SPTBN4: variants seen among roughly 807,000 people sequenced by gnomAD.
The protein encoded by SPTBN4 is spectrin beta chain, non-erythrocytic 4.
SPTBN4 carries 96 observed loss-of-function variants against 277.8 expected under a neutral mutation model. That is an observed-to-expected ratio of 0.35 (90% CI 0.29 to 0.41). The LOEUF is 0.41. Ranked by LOEUF, SPTBN4 falls within the 10% of genes least tolerant of loss-of-function variation. SPTBN4 has a pLI of 1.00. For missense variants in SPTBN4, 3,006 were observed against 3,595.7 expected, an observed-to-expected ratio of 0.84 and a Z score of 4.19; for synonymous variants, 1,481 against 1,580.3, an observed-to-expected ratio of 0.94 and a Z score of 1.49.
intron 20 of SPTBN4, among the ~76,000 whole-genome samples, chr19:40,538,494 G>A (rs2145907275): frequency 6.6e-6 from 1 of 152,304 alleles, no homozygotes; most frequent in Admixed American, 6.5e-5. Flanking sequence ...TTTCCTCTGG[G>A]CTTCCCTTTG....
intron 35 of SPTBN4, among the ~76,000 whole-genome samples, chr19:40,574,097 A>T (rs564412970): frequency 8.0e-5 from 12 of 150,318 alleles, no homozygotes; most frequent in African/African-American, 2.4e-4. Flanking sequence ...GCGAGACTCC[A>T]TCTCAAAACA....
At chr19:40,569,865 G>A (rs1420794988) in intron 32 of SPTBN4, 139 bp downstream of exon 32, 1 of 796,090 alleles carries the variant, frequency 1.3e-6, no homozygotes, top group South Asian at 1.9e-5. Context: ...TGGACTCTCA[G>A]GGTCCCCAGA....
chr19:40,575,853 A>G lies in SPTBN4; in HGVS notation c.*284A>G. On this transcript the variant is annotated 3_prime_UTR_variant, in exon 36 of 36. Transcript: ENST00000598249. ...ATAACTGAGCTTGATGGGGGTGGGC[A>G]GGGGGCCAGTTGAGCCAAGCCCCCA... 7.1e-6 allele frequency: 2 copies of G among 281,318 alleles called. No individual in the cohort carries two copies. Among genetic ancestry groups the G allele is most frequent in the Non-Finnish European group, 1.4e-5 (2 of 147,798 alleles). The allele number at this position is 281,318 out of a possible 1,614,324, so 17.4% of individuals were successfully genotyped here. A position where few individuals can be genotyped will look rare whatever the true frequency, so the allele number is the denominator to read the frequency against.
rs1462405046 is a variant in SPTBN4 at position 40,556,232 on chromosome 19, G to A, written c.5233G>A (p.Glu1745Lys). Residue 1745 changes from glutamate (E) to lysine (K), a missense_variant, in exon 25 of 36, where the codon GAG becomes AAG. By Grantham distance (56) the Glu-to-Lys change is moderately conservative (BLOSUM62 1). Transcript: ENST00000598249. ...GAGCGAGCTTGAGCACTGGATTGCC[G>A]AGAAGGAGGTGGTGGCTGGCTCACC... is the stretch of plus-strand genomic sequence containing the variant. ...QVSELEHWIA[E>K]KEVVAGSPEL... 8 of 1,613,516 alleles carry A rather than the reference G, an allele frequency of 5.0e-6. No homozygotes were observed. The highest frequency in any genetic ancestry group is 1.7e-4 in the Middle Eastern group (1 of 5,834).
rs745567610 is a variant in SPTBN4, at chr19:40,570,515, CGGACCGGCCCCGGGCGCG to C, written c.7117_7134del (p.Arg2373_Pro2378del). The C allele has an allele frequency of 1.0e-5, 15 of 1,505,972 alleles. No individual in the cohort carries two copies. Among genetic ancestry groups the C allele is most frequent in the South Asian group, 1.2e-5 (1 of 81,014 alleles). The allele number at this position is 1,505,972 out of a possible 1,614,324, so 93.3% of individuals were successfully genotyped here. A position where few individuals can be genotyped will look rare whatever the true frequency, so the allele number is the denominator to read the frequency against. On this transcript the variant is annotated inframe_deletion, in exon 33 of 36. Transcript: ENST00000598249. ...GAGCTGCCCGAGCGGACACCTCGGCCGGACCGGCCCCGGGCGCGGGACCGGCCCAAGCCGCGACGGCGG... is the reference window on the plus strand; with the variant it reads ...GAGCTGCCCGAGCGGACACCTCGGCCGGACCGGCCCAAGCCGCGACGGCGG...
intron 16 of SPTBN4, among the ~76,000 whole-genome samples, chr19:40,521,189 T>C (rs1265759957): frequency 6.6e-6 from 1 of 152,064 alleles, no homozygotes; most frequent in African/African-American, 2.4e-5. Flanking sequence ...TCCCAAAGTG[T>C]TGGGATTACA....
chr19:40,476,027 C>G (rs187074272), intron 2 of SPTBN4, among the ~76,000 whole-genome samples: 267 of 151,902 alleles, frequency 1.8e-3, no homozygotes, highest in African/African-American at 5.9e-3. Flanking sequence ...GCCTGGGCAA[C>G]AGGTTGAGAC....
At chr19:40,473,048 T>TGA (rs904986544) in intron 2 of SPTBN4, among the ~76,000 whole-genome samples, 50 of 152,052 alleles carry the variant, frequency 3.3e-4, no homozygotes, top group African/African-American at 1.1e-3. Context: ...TTAAATTTAT[T>TGA]TATATATATA....
intron 22 of SPTBN4, among the ~76,000 whole-genome samples, chr19:40,551,037 G>A (rs962624902): frequency 3.3e-5 from 5 of 152,222 alleles, no homozygotes; most frequent in Non-Finnish European, 5.9e-5. Flanking sequence ...ATGGGGTTTC[G>A]GACTGCTCCT....
intron 26 of SPTBN4, among the ~76,000 whole-genome samples, chr19:40,557,764 G>A (rs532715288): frequency 5.3e-4 from 80 of 151,696 alleles, no homozygotes; most frequent in African/African-American, 1.8e-3. Flanking sequence ...CTAAAAATAC[G>A]AAAATTAGCC....
At chr19:40,509,122 A>C (rs1239148748) in intron 13 of SPTBN4, among the ~76,000 whole-genome samples, 1 of 113,062 alleles carries the variant, frequency 8.8e-6, no homozygotes, top group East Asian at 2.5e-4. Context: ...TGATCTCTCT[A>C]TGTTACCCAG....
At chr19:40,497,705 T>C in intron 7 of SPTBN4, 101 bp downstream of exon 7, 2 of 913,838 alleles carry the variant, frequency 2.2e-6, no homozygotes, top group Non-Finnish European at 3.5e-6. Context: ...CCATCCCAAA[T>C]CCTGAGGCCT....
At chr19:40,494,838 C>A in intron 5 of SPTBN4, 59 bp from the exon 6 acceptor site, 2 of 1,504,862 alleles carry the variant, frequency 1.3e-6, no homozygotes, top group Non-Finnish European at 1.8e-6. Context: ...GTCTTTTTCC[C>A]CTTTCTTCCC....
At chr19:40,493,558 G>A (rs190466562) in intron 5 of SPTBN4, among the ~76,000 whole-genome samples, 10 of 152,160 alleles carry the variant, frequency 6.6e-5, no homozygotes, top group South Asian at 4.2e-4. Flanking sequence ...TGTTGTCGTT[G>A]TTGTTTTTAA....
intron 18 of SPTBN4, 64 bp from the exon 19 acceptor site, chr19:40,532,561 A>T: frequency 6.4e-7 from 1 of 1,556,782 alleles, no homozygotes; most frequent in Admixed American, 1.8e-5. Context: ...GGACTTCCTG[A>T]AGGGATGGGG....
At chr19:40,533,662 C>T (rs1324112830) in intron 19 of SPTBN4, among the ~76,000 whole-genome samples, 1 of 151,948 alleles carries the variant, frequency 6.6e-6, no homozygotes, top group Admixed American at 6.6e-5. Context: ...CTGGCTCCCT[C>T]TATCTTTCTT....
intron 27 of SPTBN4, 137 bp from the exon 28 acceptor site, chr19:40,565,277 AAAAGAAAAG>A: frequency 9.6e-7 from 1 of 1,040,584 alleles, no homozygotes; most frequent in Non-Finnish European, 1.4e-6. Flanking sequence ...AAAAAAAAAG[AAAAGAAAAG>A]AAAAGAAAAG....
At position 40,503,990 on chromosome 19, in the gene SPTBN4, C is replaced by A. The variant is rs528010158; in HGVS notation, c.1523C>A (p.Ala508Asp). The A allele has an allele frequency of 1.2e-6, 2 of 1,613,938 alleles. No homozygotes were observed. Among genetic ancestry groups the A allele is most frequent in the East Asian group, 2.2e-5 (1 of 44,890 alleles). The change falls in exon 12 of 36, where the codon GCC becomes GAC. Residue 508 changes from alanine to aspartate, a missense_variant. Transcript: ENST00000598249. ...TACTACGATATCCGGCGGGTGGCAG[C>A]CCAGCGTGACAGCGTCCTGCGCCAG... is the stretch of plus-strand genomic sequence containing the variant. Reference protein sequence around the residue: ...EGYYDIRRVAAQRDSVLRQWA... With the variant: ...EGYYDIRRVADQRDSVLRQWA...
intron 20 of SPTBN4, among the ~76,000 whole-genome samples, chr19:40,540,481 G>C (rs1488676852): frequency 6.6e-6 from 1 of 151,862 alleles, no homozygotes; most frequent in African/African-American, 2.4e-5. Context: ...GGCTCAAACA[G>C]TCCTCCTGCC....
Sources: allele counts gnomAD v4.1 joint callset (sites outside exome capture counted in the v4.1 genomes callset), GRCh38; gene constraint gnomAD v4.1.1; transcripts MANE v1.5; gene names NCBI Gene and HGNC (gene_info 2026-07-23, HGNC 2026-07-21).